Variants in CNTN4 observed in about 807,000 individuals in gnomAD.
CNTN4 encodes contactin-4.
Under a neutral mutation model 122.5 loss-of-function variants are expected in CNTN4, and 77 were observed. The observed-to-expected ratio is 0.63, with a 90% CI of 0.52 to 0.76. CNTN4 has a LOEUF of 0.76. Ranked by LOEUF, CNTN4 falls within the 30% of genes least tolerant of loss-of-function variation. The pLI, the probability that CNTN4 is intolerant of heterozygous loss-of-function variation, is 0.00. For missense variants in CNTN4, 1,256 were observed against 1,259.1 expected (o/e 1.00, Z 0.04); for synonymous variants, 512 against 447.0 (o/e 1.15, Z -1.83).
chr3:2,243,524 T>A (rs2040021640), intron 2 of CNTN4, among the ~76,000 whole-genome samples: 2 of 152,004 alleles, frequency 1.3e-5, no homozygotes, highest in Admixed American at 1.3e-4. Context: ...GTGATTTTTT[T>A]TTAGCTCACC....
At chr3:2,769,885 C>A (rs1344758050) in intron 6 of CNTN4, among the ~76,000 whole-genome samples, 1 of 152,158 alleles carries the variant, frequency 6.6e-6, no homozygotes, top group East Asian at 1.9e-4. Flanking sequence ...GAATCAATGC[C>A]AGCCTCTTAT....
At chr3:2,723,699 G>A (rs543054172) in intron 4 of CNTN4, among the ~76,000 whole-genome samples, 1 of 152,244 alleles carries the variant, frequency 6.6e-6, no homozygotes, top group African/African-American at 2.4e-5. Context: ...GTTGCGTTGA[G>A]GATTAAGTTT....
intron 3 of CNTN4, among the ~76,000 whole-genome samples, chr3:2,495,743 C>T (rs191780812): frequency 4.6e-5 from 7 of 152,310 alleles, no homozygotes; most frequent in Non-Finnish European, 7.3e-5. Context: ...ACAGTTTCAT[C>T]TTGAAGCCAT....
chr3:2,992,405 G>C (rs1399949400), intron 14 of CNTN4, among the ~76,000 whole-genome samples: 1 of 152,130 alleles, frequency 6.6e-6, no homozygotes, highest in East Asian at 1.9e-4. Flanking sequence ...CATAATGTTA[G>C]ACCTTTAAAC....
At chr3:2,590,143 G>A (rs959646936) in intron 4 of CNTN4, among the ~76,000 whole-genome samples, 1 of 152,118 alleles carries the variant, frequency 6.6e-6, no homozygotes, top group African/African-American at 2.4e-5. Context: ...GATTCTGGTT[G>A]GTCTTCCCTC....
At chr3:3,016,428 G>A (rs1697762178) in intron 14 of CNTN4, among the ~76,000 whole-genome samples, 1 of 152,160 alleles carries the variant, frequency 6.6e-6, no homozygotes, top group Non-Finnish European at 1.5e-5. Context: ...CTTCCCAGAT[G>A]AGAAACCCTG....
chr3:2,262,871 G>C (rs1321458847), intron 2 of CNTN4, among the ~76,000 whole-genome samples: 1 of 152,096 alleles, frequency 6.6e-6, no homozygotes, highest in Non-Finnish European at 1.5e-5. Flanking sequence ...CATGATGTCA[G>C]GGATCCAGGA....
intron 8 of CNTN4, among the ~76,000 whole-genome samples, chr3:2,882,149 G>A (rs1577141208): frequency 6.6e-6 from 1 of 152,136 alleles, no homozygotes; most frequent in Non-Finnish European, 1.5e-5. Flanking sequence ...GATCACTTGA[G>A]GCCAGGAGTT....
intron 10 of CNTN4, 123 bp downstream of exon 10, chr3:2,887,347 C>A: frequency 1.1e-6 from 1 of 909,736 alleles, no homozygotes. Context: ...GTGTGAAACT[C>A]ATGGTTTGCT....
chr3:2,305,458 G>T (rs567983374), intron 2 of CNTN4, among the ~76,000 whole-genome samples: 1 of 152,124 alleles, frequency 6.6e-6, no homozygotes, highest in South Asian at 2.1e-4. Flanking sequence ...TCAACCTATT[G>T]CTGAATTTCT....
At chr3:2,783,795 C>T (rs1207155693) in intron 6 of CNTN4, among the ~76,000 whole-genome samples, 1 of 152,164 alleles carries the variant, frequency 6.6e-6, no homozygotes. Flanking sequence ...ATCATTTGAT[C>T]ACTGCAGGCT....
At chr3:2,264,228 CACAA>C (rs2040952089) in intron 2 of CNTN4, among the ~76,000 whole-genome samples, 2 of 152,102 alleles carry the variant, frequency 1.3e-5, no homozygotes, top group Non-Finnish European at 1.5e-5. Context: ...TTTACATTTT[CACAA>C]ACAGTGTATA....
intron 3 of CNTN4, among the ~76,000 whole-genome samples, chr3:2,350,576 AATAG>A (rs557994556): frequency 0.038 from 3,127 of 81,798 alleles, 42 homozygotes; most frequent in Middle Eastern, 0.069. Context: ...TAAAGAAAAA[AATAG>A]AGTAGAATTC....
At chr3:2,446,794 A>G (rs1445398236) in intron 3 of CNTN4, among the ~76,000 whole-genome samples, 2 of 152,186 alleles carry the variant, frequency 1.3e-5, no homozygotes, top group Middle Eastern at 3.2e-3. Flanking sequence ...ACAGTGCTAA[A>G]TATGTCCTGA....
At chr3:2,737,915 C>G (rs77594900) in intron 5 of CNTN4, among the ~76,000 whole-genome samples, 1 of 152,096 alleles carries the variant, frequency 6.6e-6, no homozygotes, top group Admixed American at 6.6e-5. Flanking sequence ...GTTCTAGTAG[C>G]AGATGAAATA....
At chr3:2,729,813 C>G (rs1486180882) in intron 4 of CNTN4, among the ~76,000 whole-genome samples, 1 of 150,130 alleles carries the variant, frequency 6.7e-6, no homozygotes, top group East Asian at 2.0e-4. Context: ...ACTAAGAAGG[C>G]TGAGGCAGGA....
chr3:3,049,991 A>G (rs1239431285), intron 23 of CNTN4, among the ~76,000 whole-genome samples: 2 of 152,226 alleles, frequency 1.3e-5, no homozygotes, highest in African/African-American at 4.8e-5. Context: ...TGGGCAATTA[A>G]TATGAACAGA....
At chr3:2,499,218 T>C (rs902440005) in intron 3 of CNTN4, among the ~76,000 whole-genome samples, 1 of 152,210 alleles carries the variant, frequency 6.6e-6, no homozygotes, top group African/African-American at 2.4e-5. Flanking sequence ...AATTAATGCT[T>C]GTAGTGTGAG....
intron 2 of CNTN4, among the ~76,000 whole-genome samples, chr3:2,179,698 G>A (rs2036925402): frequency 6.6e-6 from 1 of 151,502 alleles, no homozygotes. Context: ...TTAGTGAGAT[G>A]ATCTACAGGT....
Sources: allele counts gnomAD v4.1 joint callset (sites outside exome capture counted in the v4.1 genomes callset), GRCh38; gene constraint gnomAD v4.1.1; transcripts MANE v1.5; gene names NCBI Gene and HGNC (gene_info 2026-07-23, HGNC 2026-07-21).